IGSF5: variants seen among roughly 807,000 people sequenced by gnomAD.
IGSF5 encodes immunoglobulin superfamily 5 like.
A neutral mutation model predicts 39.4 loss-of-function variants in IGSF5; 41 were observed. The observed-to-expected ratio is 1.04, with a 90% confidence interval of 0.81 to 1.35. The LOEUF is 1.35. Among genes scored for constraint, IGSF5 ranks in the 40% most tolerant of loss-of-function variants. IGSF5 has a pLI of 0.00. For missense variants in IGSF5, 487 were observed against 494.6 expected, an observed-to-expected ratio of 0.98 and a Z score of 0.15; for synonymous variants, 183 against 175.3, an observed-to-expected ratio of 1.04 and a Z score of -0.34.
chr21:39,759,992 G>A (rs887469951), intron 2 of IGSF5, among the ~76,000 whole-genome samples: 4 of 152,084 alleles, frequency 2.6e-5, no homozygotes, highest in African/African-American at 9.7e-5. Flanking sequence ...GAGCTCCTGA[G>A]GGTCCATCCC....
At chr21:39,794,049 A>T (rs972846285) in intron 8 of IGSF5, among the ~76,000 whole-genome samples, 1 of 152,166 alleles carries the variant, frequency 6.6e-6, no homozygotes, top group Non-Finnish European at 1.5e-5. Flanking sequence ...TCATGGAAGG[A>T]TGCACTGGGT....
At position 39,767,040 on chromosome 21, in the gene IGSF5, T is replaced by C. The variant is rs560621306; in HGVS notation, c.418+1188T>C. 2.6e-5 allele frequency among the ~76,000 whole-genome samples: 4 copies of C among 152,354 alleles called. No homozygotes were observed. In the South Asian group the frequency reaches 8.3e-4, roughly 32 times the overall value. On this transcript the variant is annotated intron_variant, in intron 3 of 8. Coordinates refer to ENST00000380588, the MANE Select transcript of IGSF5 (RefSeq NM_001080444.2). The stretch of plus-strand genomic sequence containing the variant: ...TTTGTGTGTTTTTAATTTTGTGTAG[T>C]TTAATTAGGGGCACAATTCTATTTT...
At chr21:39,784,052 G>A (rs537620389) in intron 5 of IGSF5, among the ~76,000 whole-genome samples, 18 of 152,188 alleles carry the variant, frequency 1.2e-4, no homozygotes, top group Non-Finnish European at 1.9e-4. Flanking sequence ...CTGTAAATAC[G>A]TGGATTTATT....
At chr21:39,717,309 G>C in the IGSF5 span, among the ~76,000 whole-genome samples, 1 of 152,128 alleles carries the variant, frequency 6.6e-6, no homozygotes, top group Non-Finnish European at 1.5e-5. Flanking sequence ...TTACTCTGTT[G>C]ATAGTTTCTT....
intron 6 of IGSF5, among the ~76,000 whole-genome samples, chr21:39,790,639 CAG>C (rs1170569691): frequency 6.6e-6 from 1 of 152,150 alleles, no homozygotes; most frequent in African/African-American, 2.4e-5. Flanking sequence ...ACCTGGGTGA[CAG>C]AGTGAGACCT....
intron 2 of IGSF5, among the ~76,000 whole-genome samples, chr21:39,756,022 C>T (rs1046334435): frequency 3.3e-5 from 5 of 151,880 alleles, no homozygotes; most frequent in East Asian, 2.0e-4. Context: ...ACCTGGGAGG[C>T]GGAGGTTGCA....
chr21:39,718,810 C>CT, the IGSF5 span, among the ~76,000 whole-genome samples: 1 of 152,036 alleles, frequency 6.6e-6, no homozygotes, highest in African/African-American at 2.4e-5. Flanking sequence ...CTGAAGTTTT[C>CT]TTTTTTTGTT....
rs373001330 is a variant in IGSF5 at position 39,745,348 on chromosome 21, C to T, written c.-162C>T. ...ATAGCCTAGGTGCCTGAGGACGCAGCGTAGGGCTTCCTTAGATCCCTTTGG... is the reference window on the plus strand; with the variant it reads ...ATAGCCTAGGTGCCTGAGGACGCAGTGTAGGGCTTCCTTAGATCCCTTTGG... On this transcript the variant is annotated 5_prime_UTR_variant, in exon 1 of 9. Transcript: ENST00000380588. 44 of 557,796 alleles carry T rather than the reference C, an allele frequency of 7.9e-5. No individual in the cohort carries two copies. Among genetic ancestry groups the T allele is most frequent in the African/African-American group, 5.0e-4 (26 of 52,398 alleles). The allele number at this position is 557,796 out of a possible 1,614,324, so 34.6% of individuals were successfully genotyped here.
At chr21:39,776,963 G>A (rs984753478) in intron 4 of IGSF5, among the ~76,000 whole-genome samples, 1 of 152,170 alleles carries the variant, frequency 6.6e-6, no homozygotes, top group Non-Finnish European at 1.5e-5. Context: ...CTGCCATCTT[G>A]AGCCTGTGCA....
At chr21:39,789,766 A>G (rs2086951642) in intron 6 of IGSF5, among the ~76,000 whole-genome samples, 1 of 152,218 alleles carries the variant, frequency 6.6e-6, no homozygotes, top group Admixed American at 6.5e-5. Flanking sequence ...GTACCTATGT[A>G]CTCAAATGTT....
intron 8 of IGSF5, among the ~76,000 whole-genome samples, chr21:39,799,341 G>A (rs997359615): frequency 2.0e-5 from 3 of 152,300 alleles, no homozygotes; most frequent in African/African-American, 4.8e-5. Flanking sequence ...CCCTGCTGGC[G>A]TAGCAGCAGC....
intron 6 of IGSF5, among the ~76,000 whole-genome samples, chr21:39,790,728 TA>T (rs2086959126): frequency 6.6e-6 from 1 of 152,220 alleles, no homozygotes; most frequent in Admixed American, 6.5e-5. Flanking sequence ...TTGGTGAACA[TA>T]AGTACTCATT....
chr21:39,747,888 T>C (rs1032993877), intron 2 of IGSF5, among the ~76,000 whole-genome samples: 2 of 150,678 alleles, frequency 1.3e-5, no homozygotes, highest in Non-Finnish European at 2.9e-5. Flanking sequence ...GGAAAGAAAA[T>C]GGTTTAAGTG....
chr21:39,767,531 A>G (rs142546673), intron 3 of IGSF5, among the ~76,000 whole-genome samples: 6 of 152,286 alleles, frequency 3.9e-5, no homozygotes, highest in Admixed American at 1.3e-4. Flanking sequence ...CGTGGTGTCA[A>G]ATGAGTAGGT....
At chr21:39,756,814 A>G (rs367547564) in intron 2 of IGSF5, among the ~76,000 whole-genome samples, 2 of 152,204 alleles carry the variant, frequency 1.3e-5, no homozygotes, top group African/African-American at 4.8e-5. Context: ...AAAAAGCAAA[A>G]AGGAAAAAAT....
At chr21:39,790,122 ATTC>A (rs1384401586) in intron 6 of IGSF5, among the ~76,000 whole-genome samples, 3 of 152,042 alleles carry the variant, frequency 2.0e-5, no homozygotes, top group Non-Finnish European at 2.9e-5. Flanking sequence ...CAAAGGTGAC[ATTC>A]TTCTGACATC....
chr21:39,765,137 T>C (rs1336988739), intron 2 of IGSF5, among the ~76,000 whole-genome samples: 2 of 152,234 alleles, frequency 1.3e-5, no homozygotes, highest in African/African-American at 2.4e-5. Context: ...AATCTCACTC[T>C]GCATTTCTCT....
At chr21:39,715,360 C>T in the IGSF5 span, among the ~76,000 whole-genome samples, 2 of 152,154 alleles carry the variant, frequency 1.3e-5, no homozygotes, top group Admixed American at 6.5e-5. Flanking sequence ...CTCAAGTAAT[C>T]CTCCTGCCTC....
chr21:39,772,803 G>T (rs2080121665), intron 4 of IGSF5, among the ~76,000 whole-genome samples: 1 of 152,094 alleles, frequency 6.6e-6, no homozygotes, highest in African/African-American at 2.4e-5. Context: ...AATGTAATGT[G>T]GTCACAGGAT....
Sources: gnomAD v4.1 joint callset for allele counts (sites outside exome capture counted in the v4.1 genomes callset) on GRCh38, gnomAD v4.1.1 for gene constraint, MANE v1.5 for transcripts, NCBI Gene and HGNC (gene_info 2026-07-23, HGNC 2026-07-21) for gene names.